Variants in RASGRF2 observed in about 807,000 individuals in gnomAD.
RASGRF2 encodes Ras protein specific guanine nucleotide releasing factor 2.
RASGRF2 carries 76 observed loss-of-function variants against 151.0 expected under a neutral mutation model. That is an observed-to-expected ratio of 0.50 (90% CI 0.42 to 0.61). The LOEUF (loss-of-function observed/expected upper bound fraction) is 0.61, where lower values mean the gene tolerates loss of function less well. Ranked by LOEUF, RASGRF2 falls within the 20% of genes least tolerant of loss-of-function variation. The pLI is 0.00. For missense variants in RASGRF2, 1,148 were observed against 1,564.6 expected, an observed-to-expected ratio of 0.73 and a Z score of 4.49; for synonymous variants, 504 against 566.5, an observed-to-expected ratio of 0.89 and a Z score of 1.57.
At chr5:81,109,739 C>A (rs1038113364) in intron 13 of RASGRF2, among the ~76,000 whole-genome samples, 1 of 152,140 alleles carries the variant, frequency 6.6e-6, no homozygotes, top group Non-Finnish European at 1.5e-5. Context: ...CATCTTTTGT[C>A]CCCCACTGTG....
chr5:81,094,424 G>A, intron 11 of RASGRF2, 62 bp downstream of exon 11: 1 of 1,458,952 alleles, frequency 6.9e-7, no homozygotes, highest in South Asian at 1.2e-5. Context: ...AGAGGCTGAG[G>A]ATAAACTCCC....
rs572199523 is a variant in RASGRF2, at chr5:81,050,137, C to A, written c.395+7154C>A. ...TCTACCCCAGAACATCACTGGTCTG[C>A]GTTTCTCCACATGTCTGCAGCATTG... On this transcript the variant is annotated intron_variant, in intron 2 of 26. Coordinates refer to ENST00000265080, the MANE Select transcript of RASGRF2 (RefSeq NM_006909.3). Among the ~76,000 whole-genome samples the A allele has an allele frequency of 1.3e-3, 193 of 152,302 alleles. 1 individual carries two copies. The highest frequency in any genetic ancestry group is 4.4e-3 in the African/African-American group (184 of 41,564).
At chr5:80,976,056 C>G (rs1250770450) in intron 1 of RASGRF2, among the ~76,000 whole-genome samples, 1 of 152,102 alleles carries the variant, frequency 6.6e-6, no homozygotes, top group East Asian at 1.9e-4. Context: ...GTTGGTCAGG[C>G]TGGTCTCAAA....
chr5:81,055,442 G>A (rs1386929598), intron 2 of RASGRF2, among the ~76,000 whole-genome samples: 2 of 152,058 alleles, frequency 1.3e-5, no homozygotes, highest in South Asian at 2.1e-4. Flanking sequence ...TTGATTTTGG[G>A]TATGTTGAAC....
chr5:81,119,197 A>G (rs1173949688), intron 15 of RASGRF2, among the ~76,000 whole-genome samples: 1 of 152,238 alleles, frequency 6.6e-6, no homozygotes, highest in Non-Finnish European at 1.5e-5. Context: ...GGTATTCGTT[A>G]TAGCAGTAAC....
intron 17 of RASGRF2, among the ~76,000 whole-genome samples, chr5:81,134,569 T>G (rs963440987): frequency 3.9e-5 from 6 of 152,206 alleles, no homozygotes; most frequent in Admixed American, 1.3e-4. Flanking sequence ...TCAGCATTTC[T>G]GAGGATGGGG....
intron 15 of RASGRF2, among the ~76,000 whole-genome samples, chr5:81,118,542 A>G (rs1363295070): frequency 6.6e-6 from 1 of 152,146 alleles, no homozygotes; most frequent in Non-Finnish European, 1.5e-5. Flanking sequence ...CATTGTCTTA[A>G]TGAATAACAC....
intron 1 of RASGRF2, among the ~76,000 whole-genome samples, chr5:81,006,438 T>C (rs1015492833): frequency 6.6e-6 from 1 of 152,242 alleles, no homozygotes; most frequent in Non-Finnish European, 1.5e-5. Flanking sequence ...CAAAGGTGTT[T>C]CTGAAAGTAT....
intron 12 of RASGRF2, among the ~76,000 whole-genome samples, chr5:81,096,781 G>A (rs768151396): frequency 6.6e-6 from 1 of 151,996 alleles, no homozygotes; most frequent in Non-Finnish European, 1.5e-5. Context: ...GTCTAAGTGA[G>A]TCTTTCCCTC....
At chr5:80,976,593 C>T (rs930569130) in intron 1 of RASGRF2, among the ~76,000 whole-genome samples, 5 of 152,096 alleles carry the variant, frequency 3.3e-5, no homozygotes, top group African/African-American at 9.7e-5. Context: ...GATAGAAAGT[C>T]GGGTGTTGGG....
chr5:81,061,089 G>A (rs1190507399), intron 2 of RASGRF2, among the ~76,000 whole-genome samples: 1 of 151,192 alleles, frequency 6.6e-6, no homozygotes, highest in Non-Finnish European at 1.5e-5. Context: ...TTGGGTATGT[G>A]CCATTATGTT....
intron 17 of RASGRF2, among the ~76,000 whole-genome samples, chr5:81,138,453 A>G (rs2112594801): frequency 6.6e-6 from 1 of 152,292 alleles, no homozygotes; most frequent in Middle Eastern, 3.4e-3. Flanking sequence ...TTTTCCCTGA[A>G]GAGCTGGCTT....
chr5:81,083,910 A>C (rs1451111960), intron 7 of RASGRF2, among the ~76,000 whole-genome samples: 1 of 152,260 alleles, frequency 6.6e-6, no homozygotes, highest in Non-Finnish European at 1.5e-5. Context: ...AAGCAGAATT[A>C]TGATTCATTT....
intron 15 of RASGRF2, among the ~76,000 whole-genome samples, chr5:81,119,745 A>T (rs1442095749): frequency 6.6e-6 from 1 of 152,246 alleles, no homozygotes; most frequent in Admixed American, 6.5e-5. Context: ...CCTGTGAATA[A>T]CAGTATGGCC....
intron 15 of RASGRF2, among the ~76,000 whole-genome samples, chr5:81,116,045 C>A (rs56060886): frequency 7.5e-6 from 1 of 134,196 alleles, no homozygotes; most frequent in Admixed American, 7.8e-5. Context: ...TGGTGGTAAT[C>A]ACTAGTGGTG....
intron 17 of RASGRF2, 126 bp downstream of exon 17, chr5:81,127,289 C>G (rs550003698): frequency 4.1e-6 from 4 of 979,336 alleles, no homozygotes; most frequent in Admixed American, 2.5e-5. Flanking sequence ...TTTGGGAAGC[C>G]GAAGCAGAAG....
intron 1 of RASGRF2, among the ~76,000 whole-genome samples, chr5:80,986,525 G>A (rs182487590): frequency 7.2e-4 from 109 of 152,336 alleles, no homozygotes; most frequent in Non-Finnish European, 1.3e-3. Context: ...AAGGAAAGTA[G>A]GAGAGGGGCA....
intron 1 of RASGRF2, among the ~76,000 whole-genome samples, chr5:81,036,642 T>G (rs1423780359): frequency 6.6e-6 from 1 of 152,154 alleles, no homozygotes; most frequent in African/African-American, 2.4e-5. Flanking sequence ...CTTAAGGACA[T>G]TGTATACCTA....
Position 81,217,360 on chromosome 5 carries a change from A to T in RASGRF2, c.3439A>T (p.Asn1147Tyr). The T allele has an allele frequency of 6.2e-7, 1 of 1,604,790 alleles. No homozygotes were observed. Among genetic ancestry groups the T allele is most frequent in the Non-Finnish European group, 8.5e-7 (1 of 1,177,134 alleles). ...KNLRETLKNC[N>Y]PPAVPYLGMY... ...CAGTGCCTCTTGGTCTTGCAGTTGT[A>T]ACCCTCCTGCAGTTCCTTATCTTGG... Residue 1147 changes from asparagine to tyrosine, a missense_variant, in exon 25 of 27, where the codon AAC becomes TAC. Physicochemically the swap from Asn to Tyr is moderately radical, Grantham distance 143. This residue lies in a region of RASGRF2 where 100 missense variants were observed against 148.2 expected (regional missense o/e 0.67). Transcript: ENST00000265080.
Sources: allele counts gnomAD v4.1 joint callset (sites outside exome capture counted in the v4.1 genomes callset), GRCh38; gene constraint gnomAD v4.1.1; regional missense constraint gnomAD v4.1.1; transcripts MANE v1.5; gene names NCBI Gene and HGNC (gene_info 2026-07-23, HGNC 2026-07-21).